Variants in ERI1 observed in about 807,000 individuals in gnomAD.
The protein encoded by ERI1 is exoribonuclease 1, also known as 3'-5' exoribonuclease 1.
In ERI1, 39 loss-of-function variants were observed where a neutral mutation model predicts 39.7. The ratio of observed to expected loss-of-function variants is 0.98; its 90% CI spans 0.76 to 1.28. The LOEUF (loss-of-function observed/expected upper bound fraction) is 1.28. Ranked by LOEUF, ERI1 falls within the 50% of genes most tolerant of loss-of-function variation. The probability of loss-of-function intolerance (pLI) is 0.00; values close to 1 mark genes in which losing one functional copy is unlikely to be tolerated. For synonymous variants in ERI1, 204 were observed against 149.6 expected (o/e 1.36, Z -2.65); for missense variants, 581 against 416.9 (o/e 1.39, Z -3.43).
At chr8:9,036,858 AACATAG>A (rs757497886), downstream of ERI1, among the ~76,000 whole-genome samples, 3 of 152,116 alleles carry the variant, frequency 2.0e-5, no homozygotes, top group Non-Finnish European at 4.4e-5. Flanking sequence ...TGCACCTTTG[AACATAG>A]ACCTGTTTTC....
rs1467965199 is a variant in ERI1, at chr8:9,018,303, G to A, written c.589G>A (p.Val197Ile). Residue 197 changes from valine (V) to isoleucine (I), a missense_variant, in exon 5 of 7, where the codon GTA becomes ATA. Coordinates refer to ENST00000250263, the MANE Select transcript of ERI1 (RefSeq NM_153332.4). ...ISLTGITQDQ[V>I]DRADTFPQVL... Reference sequence around the variant, plus strand: ...TTTACTTTTATATCCTCAGGATCAGGTAGACAGAGCTGATACCTTCCCTCA... The same window carrying A: ...TTTACTTTTATATCCTCAGGATCAGATAGACAGAGCTGATACCTTCCCTCA... The A allele has an allele frequency of 6.2e-7, 1 of 1,603,286 alleles. No individual in the cohort carries two copies. Among genetic ancestry groups the A allele is most frequent in the Non-Finnish European group, 8.5e-7 (1 of 1,171,794 alleles).
intron 6 of ERI1, among the ~76,000 whole-genome samples, chr8:9,025,866 A>G (rs942572530): frequency 2.0e-5 from 3 of 151,964 alleles, no homozygotes; most frequent in South Asian, 4.2e-4. Flanking sequence ...ATAGGACCCA[A>G]CTCTAAATAT....
intron 5 of ERI1, among the ~76,000 whole-genome samples, chr8:9,018,955 T>C (rs1465482327): frequency 6.6e-6 from 1 of 152,200 alleles, no homozygotes; most frequent in Non-Finnish European, 1.5e-5. Flanking sequence ...ATTTCTATGG[T>C]ATATACCATT....
chr8:9,015,947 G>A (rs1456764323), intron 3 of ERI1, among the ~76,000 whole-genome samples: 2 of 152,034 alleles, frequency 1.3e-5, no homozygotes, highest in Non-Finnish European at 2.9e-5. Flanking sequence ...CTGCAGGCTG[G>A]CATTTCTTCA....
At chr8:9,068,102 T>A (rs1430088408) in intron 3 of ERI1, among the ~76,000 whole-genome samples, 1 of 152,178 alleles carries the variant, frequency 6.6e-6, no homozygotes, top group Non-Finnish European at 1.5e-5. Context: ...CAGAGCAACA[T>A]CTAATCCAGA....
At chr8:9,010,524 T>C (rs889498158) in intron 2 of ERI1, among the ~76,000 whole-genome samples, 3 of 152,222 alleles carry the variant, frequency 2.0e-5, no homozygotes, top group African/African-American at 7.2e-5. Context: ...AGGATTTTTT[T>C]CAGTGCTTAA....
At chr8:9,023,212 C>G (rs1037312004) in intron 6 of ERI1, among the ~76,000 whole-genome samples, 1 of 151,590 alleles carries the variant, frequency 6.6e-6, no homozygotes, top group African/African-American at 2.4e-5. Flanking sequence ...TTACTTTATT[C>G]TTTTAAGAAA....
chr8:9,023,175 C>T (rs773363228), intron 6 of ERI1, among the ~76,000 whole-genome samples: 55 of 151,708 alleles, frequency 3.6e-4, no homozygotes, highest in Non-Finnish European at 6.0e-4. Flanking sequence ...TTTTTAATCT[C>T]TTCTTTTTCT....
intron 1 of ERI1, among the ~76,000 whole-genome samples, chr8:9,005,159 A>G (rs1463080567): frequency 6.6e-6 from 1 of 152,204 alleles, no homozygotes; most frequent in African/African-American, 2.4e-5. Context: ...GAAGAACGTC[A>G]ATCAAGAAAA....
At chr8:9,006,606 G>C (rs924746345) in intron 1 of ERI1, among the ~76,000 whole-genome samples, 1 of 152,148 alleles carries the variant, frequency 6.6e-6, no homozygotes, top group African/African-American at 2.4e-5. Context: ...TAAAATTCTG[G>C]TCAAGCAGAG....
chr8:9,091,783 CA>C (rs1280258815), intron 3 of ERI1, among the ~76,000 whole-genome samples: 7 of 152,150 alleles, frequency 4.6e-5, no homozygotes, highest in African/African-American at 1.7e-4. Flanking sequence ...GTGAAATGTA[CA>C]TTTGGGAGTC....
chr8:9,003,221 A>G (rs1585173405), intron 1 of ERI1, 50 bp downstream of exon 1: 3 of 1,155,696 alleles, frequency 2.6e-6, no homozygotes, highest in Non-Finnish European at 3.3e-6. Context: ...CCCCGTCCCC[A>G]AAGCGCCCTC....
Position 9,008,003 on chromosome 8 carries a change from A to T in ERI1, c.142A>T (p.Thr48Ser). Residue 48 changes from threonine to serine, a missense_variant, in exon 2 of 7, where the codon ACA becomes TCA. Coordinates refer to ENST00000250263, the MANE Select transcript of ERI1 (RefSeq NM_153332.4). ...ACAGTGTAAATTTGATGGCCAGGAGACAAAAGGATCCAAGTTCATTACCTC... is the reference window on the plus strand; with the variant it reads ...ACAGTGTAAATTTGATGGCCAGGAGTCAAAAGGATCCAAGTTCATTACCTC... The part of the protein sequence containing the change: ...TQQCKFDGQE[T>S]KGSKFITSSA... 1 of 1,602,916 alleles carries T rather than the reference A, an allele frequency of 6.2e-7. No homozygotes were observed. The highest frequency in any genetic ancestry group is 8.5e-7 in the Non-Finnish European group (1 of 1,177,460).
chr8:9,025,055 C>T lies in ERI1; in HGVS notation c.807+4591C>T, dbSNP rs549249148. On this transcript the variant is annotated intron_variant, in intron 6 of 6. Coordinates refer to ENST00000250263, the MANE Select transcript of ERI1 (RefSeq NM_153332.4). ...ATCCACAACTTTTCTGGGGGTAGAG[C>T]GTTAAGTCTGTCTCTGGTGTACAGT... is the stretch of plus-strand genomic sequence containing the variant. Among the ~76,000 whole-genome samples, 20 of 152,266 alleles carry T rather than the reference C, an allele frequency of 1.3e-4. No individual in the cohort carries two copies. In the East Asian group the frequency reaches 3.9e-3, roughly 29 times the overall value.
At chr8:9,092,872 G>A (rs1462593944) in intron 3 of ERI1, among the ~76,000 whole-genome samples, 2 of 152,170 alleles carry the variant, frequency 1.3e-5, no homozygotes, top group East Asian at 1.9e-4. Context: ...CCAAGGTTTC[G>A]GCAGGGTTGG....
At chr8:9,049,682 G>C (rs942150574) in intron 3 of ERI1, 4 of 152,110 alleles carry the variant, frequency 2.6e-5, no homozygotes, top group Non-Finnish European at 5.9e-5. Flanking sequence ...TGAGGGAGGA[G>C]ACATCTCAGA....
In ERI1 at chr8:9,018,290, T is replaced by C. The variant is rs1817514086; in HGVS notation, c.583-7T>C. 7 of 1,568,930 alleles carry C rather than the reference T, an allele frequency of 4.5e-6. No homozygotes were observed. The highest frequency in any genetic ancestry group is 6.1e-6 in the Non-Finnish European group (7 of 1,145,088). ...GATTTTTGTATATTTTACTTTTATA[T>C]CCTCAGGATCAGGTAGACAGAGCTG... On this transcript the variant is annotated splice_polypyrimidine_tract_variant and splice_region_variant and intron_variant, in intron 4 of 6. Coordinates refer to ENST00000250263, the MANE Select transcript of ERI1 (RefSeq NM_153332.4).
chr8:9,095,020 G>A (rs1354319814), intron 3 of ERI1, among the ~76,000 whole-genome samples: 1 of 152,026 alleles, frequency 6.6e-6, no homozygotes, highest in Non-Finnish European at 1.5e-5. Context: ...CCAGAAGGTG[G>A]GATATGAATC....
intron 6 of ERI1, among the ~76,000 whole-genome samples, chr8:9,025,629 G>T (rs1169389211): frequency 6.6e-6 from 1 of 152,070 alleles, no homozygotes. Flanking sequence ...TGAAGTGACT[G>T]GGCCTTTGTT....
Sources: allele counts gnomAD v4.1 joint callset (sites outside exome capture counted in the v4.1 genomes callset), GRCh38; gene constraint gnomAD v4.1.1; transcripts MANE v1.5; gene names NCBI Gene and HGNC (gene_info 2026-07-23, HGNC 2026-07-21).